Variants in LRRC8C observed in about 807,000 individuals in gnomAD.
The protein encoded by LRRC8C is volume-regulated anion channel subunit LRRC8C.
LRRC8C carries 20 observed loss-of-function variants against 55.3 expected under a neutral mutation model. The ratio of observed to expected loss-of-function variants is 0.36; its 90% CI spans 0.25 to 0.53. The LOEUF (loss-of-function observed/expected upper bound fraction) is 0.53, where lower values mean the gene tolerates loss of function less well. Among genes scored for constraint, LRRC8C ranks in the 20% least tolerant of loss-of-function variants. LRRC8C has a pLI of 0.92. For synonymous variants in LRRC8C, 376 were observed against 360.7 expected (o/e 1.04, Z -0.48); for missense variants, 659 against 951.4 (o/e 0.69, Z 4.04).
intron 1 of LRRC8C, among the ~76,000 whole-genome samples, chr1:89,672,883 A>T (rs1199480293): frequency 6.6e-6 from 1 of 152,072 alleles, no homozygotes; most frequent in Non-Finnish European, 1.5e-5. Flanking sequence ...GGCTGTGTTA[A>T]GTTTTTAAGA....
chr1:89,719,372 C>T lies in LRRC8C; in HGVS notation c.*4390C>T, dbSNP rs1570751697. 3 of 152,028 alleles carry T rather than the reference C, an allele frequency of 2.0e-5. No homozygotes were observed. The East Asian group carries it at 5.8e-4, about 29-fold the overall frequency. The allele number at this position is 152,028 out of a possible 1,614,324, so 9.4% of individuals were successfully genotyped here. A position where few individuals can be genotyped will look rare whatever the true frequency, so the allele number is the denominator to read the frequency against. Reference sequence around the variant, plus strand: ...GTTTTCTTTTTTCCCCTTGTTTACTCTGTCTGTATGTATGTCAAAAGCTGG... The same window carrying T: ...GTTTTCTTTTTTCCCCTTGTTTACTTTGTCTGTATGTATGTCAAAAGCTGG... On this transcript the variant is annotated 3_prime_UTR_variant, in exon 3 of 3. Coordinates refer to ENST00000370454, the MANE Select transcript of LRRC8C (RefSeq NM_032270.5).
At chr1:89,658,026 C>T (rs538300460) in intron 1 of LRRC8C, among the ~76,000 whole-genome samples, 2 of 152,072 alleles carry the variant, frequency 1.3e-5, no homozygotes. Flanking sequence ...TTGAAATATA[C>T]CATGCTTTCA....
chr1:89,686,505 C>T lies in LRRC8C; in HGVS notation c.32C>T (p.Ser11Phe). MIPVTEFRQFSEQQPAFRVLK... is the reference protein window; with the variant it reads MIPVTEFRQFFEQQPAFRVLK... ...CCCGTGACAGAATTCCGGCAGTTCT[C>T]TGAGCAGCAGCCTGCCTTCCGAGTG... is the stretch of plus-strand genomic sequence containing the variant. Residue 11 changes from serine to phenylalanine, a missense_variant, in exon 2 of 3, where the codon TCT (serine) becomes TTT (phenylalanine). Ser to Phe is a radical substitution (Grantham distance 155, BLOSUM62 -2). This residue lies in a region of LRRC8C where 16 missense variants were observed against 16.6 expected (regional missense o/e 0.96). Transcript: ENST00000370454. 1 of 1,614,216 alleles carries T rather than the reference C, an allele frequency of 6.2e-7. No homozygotes were observed. The highest frequency in any genetic ancestry group is 1.1e-5 in the South Asian group (1 of 91,088).
chr1:89,672,217 A>G (rs1377519591), intron 1 of LRRC8C, among the ~76,000 whole-genome samples: 3 of 152,178 alleles, frequency 2.0e-5, no homozygotes, highest in Non-Finnish European at 4.4e-5. Flanking sequence ...TACTTATACT[A>G]TACTTCATAC....
rs1658869045 is a variant in LRRC8C, at chr1:89,717,828, A to C, written c.*2846A>C. 6.6e-6 allele frequency: 1 copy of C among 152,218 alleles called. No individual in the cohort carries two copies. Among genetic ancestry groups the C allele is most frequent in the South Asian group, 2.1e-4 (1 of 4,838 alleles). 9.4% of individuals were successfully genotyped at this position (152,218 alleles called of 1,614,324 possible). A position where few individuals can be genotyped will look rare whatever the true frequency, so the allele number is the denominator to read the frequency against. ...ACAAGTGCTCTTTCTAAAAAGGAAT[A>C]ACTATTATAGCTCTATTTCCCCAAT... is the stretch of plus-strand genomic sequence containing the variant. On this transcript the variant is annotated 3_prime_UTR_variant, in exon 3 of 3. Coordinates refer to ENST00000370454, the MANE Select transcript of LRRC8C (RefSeq NM_032270.5).
chr1:89,656,489 T>A (rs1166310056), intron 1 of LRRC8C, among the ~76,000 whole-genome samples: 1 of 152,284 alleles, frequency 6.6e-6, no homozygotes, highest in East Asian at 1.9e-4. Context: ...AGTCACATAG[T>A]CAGTGGGGAA....
chr1:89,698,977 A>G (rs1331782541), intron 2 of LRRC8C, among the ~76,000 whole-genome samples: 1 of 152,050 alleles, frequency 6.6e-6, no homozygotes, highest in South Asian at 2.1e-4. Context: ...CGAAGGTGGA[A>G]AAAAAAAGAA....
chr1:89,703,331 A>G (rs998012974), intron 2 of LRRC8C, among the ~76,000 whole-genome samples: 2 of 152,218 alleles, frequency 1.3e-5, no homozygotes, highest in Non-Finnish European at 2.9e-5. Context: ...AGAATTGTAT[A>G]ACTTACCAAA....
chr1:89,709,712 T>G (rs1658589377), intron 2 of LRRC8C, among the ~76,000 whole-genome samples: 2 of 151,820 alleles, frequency 1.3e-5, no homozygotes, highest in African/African-American at 4.8e-5. Flanking sequence ...CCTCTGTGTT[T>G]TTTTGTTTTG....
intron 1 of LRRC8C, among the ~76,000 whole-genome samples, chr1:89,667,427 T>C (rs537321844): frequency 4.5e-4 from 69 of 152,278 alleles, no homozygotes; most frequent in African/African-American, 1.7e-3. Flanking sequence ...TTATTTCAGC[T>C]TCTCAACTTA....
chr1:89,690,434 G>A (rs116021479), intron 2 of LRRC8C, among the ~76,000 whole-genome samples: 3,343 of 152,126 alleles, frequency 0.022, 126 homozygotes, highest in African/African-American at 0.076. Context: ...ATAGATTAGC[G>A]GGAGCACTAT....
the LRRC8C span, among the ~76,000 whole-genome samples, chr1:89,625,945 GA>G: frequency 2.4e-4 from 37 of 152,072 alleles, 1 homozygote; most frequent in East Asian, 6.0e-3. Context: ...TTGAGCCCTG[GA>G]AAAAAATCAG....
At chr1:89,710,728 C>A (rs1017498728) in intron 2 of LRRC8C, among the ~76,000 whole-genome samples, 6 of 152,196 alleles carry the variant, frequency 3.9e-5, no homozygotes, top group Non-Finnish European at 7.3e-5. Context: ...CCCGCAGCCT[C>A]ATTTCTTGTT....
intron 1 of LRRC8C, among the ~76,000 whole-genome samples, chr1:89,681,317 T>C (rs754461220): frequency 1.3e-5 from 2 of 152,250 alleles, no homozygotes; most frequent in Non-Finnish European, 2.9e-5. Flanking sequence ...AAAAGGTCTA[T>C]CTACCTTCTC....
At chr1:89,685,318 C>CCAT (rs10682040) in intron 1 of LRRC8C, among the ~76,000 whole-genome samples, 2 of 138,400 alleles carry the variant, frequency 1.4e-5, no homozygotes, top group African/African-American at 5.7e-5. Flanking sequence ...CGGGGTTTCA[C>CCAT]GTTAGCCAGG....
chr1:89,652,274 T>TTCC (rs1656811339), intron 1 of LRRC8C, among the ~76,000 whole-genome samples: 2 of 151,844 alleles, frequency 1.3e-5, no homozygotes, highest in African/African-American at 2.4e-5. Context: ...ATGAAAGGAA[T>TTCC]TGAGATATTG....
Position 89,719,034 on chromosome 1 carries a change from C to G in LRRC8C, c.*4052C>G, listed in dbSNP as rs1330849380. The stretch of plus-strand genomic sequence containing the variant: ...TTTCCTGCCAGCCATCCAAACTAAG[C>G]ATCCACTCATTCCATCTTCCCAAAG... On this transcript the variant is annotated 3_prime_UTR_variant, in exon 3 of 3. Transcript: ENST00000370454. 1 of 152,170 alleles carries G rather than the reference C, an allele frequency of 6.6e-6. No individual in the cohort carries two copies. Among genetic ancestry groups the G allele is most frequent in the Non-Finnish European group, 1.5e-5 (1 of 68,036 alleles). 9.4% of individuals were successfully genotyped at this position (152,170 alleles called of 1,614,324 possible). A position where few individuals can be genotyped will look rare whatever the true frequency, so the allele number is the denominator to read the frequency against.
the LRRC8C span, chr1:89,625,317 G>T: frequency 6.6e-6 from 1 of 152,156 alleles, no homozygotes; most frequent in African/African-American, 2.4e-5. Context: ...GAGGACTGAG[G>T]ATGTAAAGAT....
rs1397080567 is a variant in LRRC8C at position 89,713,930 on chromosome 1, A to G, written c.1360A>G (p.Ile454Val). 6.2e-7 allele frequency: 1 copy of G among 1,613,946 alleles called. No homozygotes were observed. The highest frequency in any genetic ancestry group is 2.2e-5 in the East Asian group (1 of 44,900). The change falls in exon 3 of 3, where the codon ATT becomes GTT. Residue 454 changes from isoleucine to valine, a missense_variant. Around this residue, in one of 5 missense-constraint regions of LRRC8C, gnomAD observed 344 missense variants for 464.6 expected, o/e 0.74. Coordinates refer to ENST00000370454, the MANE Select transcript of LRRC8C (RefSeq NM_032270.5). This position sits in a 1 kb window ranked among gnomAD's most constrained non-coding sequence, Gnocchi z 5.2. ...GTTGCAATCTCTAAAACTTGAAATC[A>G]TTAAGAACGTAATGATACCAGCCAC... The part of the protein sequence containing the change: ...TELQSLKLEI[I>V]KNVMIPATIA...
Sources: gnomAD v4.1 joint callset for allele counts (sites outside exome capture counted in the v4.1 genomes callset) on GRCh38, gnomAD v4.1.1 for gene constraint, gnomAD v4.1.1 regional missense constraint, Gnocchi (gnomAD v3.1) non-coding constraint, MANE v1.5 for transcripts, NCBI Gene and HGNC (gene_info 2026-07-23, HGNC 2026-07-21) for gene names.